The following MINAR1 variants were observed in gnomAD, a reference collection of about 807,000 sequenced individuals.
MINAR1 encodes the protein membrane integral NOTCH2 associated receptor 1.
Under a neutral mutation model 65.1 loss-of-function variants are expected in MINAR1, and 40 were observed. The observed-to-expected ratio is 0.61, with a 90% confidence interval of 0.48 to 0.80. MINAR1 has a LOEUF of 0.80. MINAR1 is among the 30% of genes least tolerant of loss of function. MINAR1 has a pLI of 0.00. For missense variants in MINAR1, 1,128 were observed against 1,148.0 expected (o/e 0.98, Z 0.25); for synonymous variants, 482 against 449.1 (o/e 1.07, Z -0.93).
upstream of MINAR1, among the ~76,000 whole-genome samples, chr15:79,431,186 T>G (rs1044473233): frequency 3.1e-5 from 4 of 128,608 alleles, no homozygotes; most frequent in South Asian, 2.8e-4. Flanking sequence ...GGGAAGGAGG[T>G]GGGGTGGTGG....
the MINAR1 span, chr15:79,413,884 A>C: frequency 6.6e-6 from 1 of 152,184 alleles, no homozygotes; most frequent in East Asian, 1.9e-4. Flanking sequence ...ATATTTGAAC[A>C]TATCACTGTG....
intron 1 of MINAR1, among the ~76,000 whole-genome samples, chr15:79,439,977 C>T (rs997096706): frequency 7.9e-5 from 12 of 152,138 alleles, no homozygotes; most frequent in African/African-American, 2.9e-4. Flanking sequence ...AGGAATGGAA[C>T]TCCTGTTCTT....
At chr15:79,430,780 G>C (rs1324559194), upstream of MINAR1, among the ~76,000 whole-genome samples, 1 of 152,220 alleles carries the variant, frequency 6.6e-6, no homozygotes, top group East Asian at 1.9e-4. Context: ...AACTTGGGCA[G>C]AGAGGAGCTC....
chr15:79,457,731 G>A lies in MINAR1; in HGVS notation c.1584G>A (p.Met528Ile), dbSNP rs1895485530. Residue 528 changes from methionine to isoleucine, a missense_variant, in exon 2 of 4, where the codon ATG (methionine) becomes ATA (isoleucine). Transcript: ENST00000305428. ...ACATTTTCCGATTTCTTGATGACAT[G>A]AGCATCAGTGGCTCCACGGGAGTGA... Reference protein sequence around the residue: ...ISDIFRFLDDMSISGSTGVIQ... With the variant: ...ISDIFRFLDDISISGSTGVIQ... 7 of 1,614,100 alleles carry A rather than the reference G, an allele frequency of 4.3e-6. No individual in the cohort carries two copies. The highest frequency in any genetic ancestry group is 5.9e-6 in the Non-Finnish European group (7 of 1,180,052).
chr15:79,446,869 G>T (rs1238414859), intron 1 of MINAR1, among the ~76,000 whole-genome samples: 1 of 151,848 alleles, frequency 6.6e-6, no homozygotes, highest in Non-Finnish European at 1.5e-5. Flanking sequence ...TGATTTAATG[G>T]TTTTTGTTGT....
intron 1 of MINAR1, among the ~76,000 whole-genome samples, chr15:79,437,680 T>G (rs1246988676): frequency 4.1e-5 from 2 of 49,162 alleles, no homozygotes; most frequent in African/African-American, 6.7e-5. Flanking sequence ...GGGGTGTGGG[T>G]GGCGTGGGTA....
chr15:79,427,481 A>G (rs1273574972), upstream of MINAR1: 1 of 152,232 alleles, frequency 6.6e-6, no homozygotes, highest in East Asian at 1.9e-4. Context: ...GCAATCTGCT[A>G]CTATCAATCT....
rs766461413 is a variant in MINAR1 at position 79,457,016 on chromosome 15, G to A, written c.869G>A (p.Ser290Asn). 14 of 1,613,928 alleles carry A rather than the reference G, an allele frequency of 8.7e-6. No individual in the cohort carries two copies. The Admixed American group carries it at 2.3e-4, about 27-fold the overall frequency. ...KAENEHREPQ[S>N]RKEPHKPPFF... ...GAGAATGAGCACAGGGAACCCCAGAGTCGAAAGGAACCCCACAAGCCACCC... is the reference window on the plus strand; with the variant it reads ...GAGAATGAGCACAGGGAACCCCAGAATCGAAAGGAACCCCACAAGCCACCC... Residue 290 changes from serine (S) to asparagine (N), a missense_variant, in exon 2 of 4, where the codon AGT becomes AAT. By Grantham distance (46) the Ser-to-Asn change is conservative. Transcript: ENST00000305428.
At chr15:79,430,888 T>A (rs1041039456), upstream of MINAR1, among the ~76,000 whole-genome samples, 1 of 152,234 alleles carries the variant, frequency 6.6e-6, no homozygotes, top group Non-Finnish European at 1.5e-5. Flanking sequence ...GTTTTGTTTT[T>A]AAAAAACTTT....
At chr15:79,450,367 A>G (rs1895151253) in intron 1 of MINAR1, among the ~76,000 whole-genome samples, 1 of 152,102 alleles carries the variant, frequency 6.6e-6, no homozygotes, top group African/African-American at 2.4e-5. Context: ...CAGAATCTTC[A>G]AGGACACATA....
At chr15:79,432,137 A>AGACC (rs1310006465), upstream of MINAR1, among the ~76,000 whole-genome samples, 3 of 152,038 alleles carry the variant, frequency 2.0e-5, no homozygotes, top group African/African-American at 7.2e-5. Context: ...CGAGACACAA[A>AGACC]GACCGAGGCT....
At chr15:79,455,189 A>C (rs1224378518) in intron 1 of MINAR1, among the ~76,000 whole-genome samples, 1 of 152,190 alleles carries the variant, frequency 6.6e-6, no homozygotes, top group African/African-American at 2.4e-5. Context: ...TAGGGAAGAG[A>C]GATTACTAAT....
At chr15:79,454,474 A>C (rs975587927) in intron 1 of MINAR1, among the ~76,000 whole-genome samples, 2 of 152,236 alleles carry the variant, frequency 1.3e-5, no homozygotes, top group Admixed American at 1.3e-4. Flanking sequence ...TAATTTTCTA[A>C]GCAGTATGCG....
the MINAR1 span, chr15:79,420,802 G>C: frequency 6.6e-6 from 1 of 152,256 alleles, no homozygotes; most frequent in Non-Finnish European, 1.5e-5. Context: ...TTTTGGGGTG[G>C]AAATGGTGGA....
intron 1 of MINAR1, among the ~76,000 whole-genome samples, chr15:79,435,468 T>C (rs1003362288): frequency 9.9e-5 from 15 of 152,222 alleles, no homozygotes; most frequent in African/African-American, 3.1e-4. Flanking sequence ...AATGAAATGT[T>C]GTGGTCACCT....
intron 1 of MINAR1, among the ~76,000 whole-genome samples, chr15:79,443,729 C>T (rs1443897685): frequency 6.6e-6 from 1 of 151,954 alleles, no homozygotes; most frequent in East Asian, 1.9e-4. Flanking sequence ...TCATTTATTC[C>T]CCCACATTAT....
rs1195227831 is a variant in MINAR1 at position 79,457,012 on chromosome 15, C to T, written c.865C>T (p.Gln289Ter). The T allele has an allele frequency of 1.1e-5, 17 of 1,613,944 alleles. No homozygotes were observed. The Admixed American group carries it at 2.5e-4, about 24-fold the overall frequency. ...AGCAGAGAATGAGCACAGGGAACCCCAGAGTCGAAAGGAACCCCACAAGCC... is the reference window on the plus strand; with the variant it reads ...AGCAGAGAATGAGCACAGGGAACCCTAGAGTCGAAAGGAACCCCACAAGCC... ...SKAENEHREP[Q>*]SRKEPHKPPF... The change falls in exon 2 of 4, where the codon CAG becomes TAG. Residue 289 changes from glutamine (Q) to a stop codon, truncating the protein, a stop_gained. Transcript: ENST00000305428. LOFTEE classifies it high-confidence loss of function.
intron 1 of MINAR1, among the ~76,000 whole-genome samples, chr15:79,449,416 T>C (rs1895121206): frequency 6.6e-6 from 1 of 152,194 alleles, no homozygotes; most frequent in Non-Finnish European, 1.5e-5. Flanking sequence ...GGAACAGAAA[T>C]TTACTTCTCA....
Position 79,469,483 on chromosome 15 carries a change from T to C in MINAR1, c.*1099T>C, listed in dbSNP as rs561537433. 16 of 152,640 alleles carry C rather than the reference T, an allele frequency of 1.0e-4. No homozygotes were observed. Among genetic ancestry groups the C allele is most frequent in the African/African-American group, 3.9e-4 (16 of 41,538 alleles). The allele number at this position is 152,640 out of a possible 1,614,324, so 9.5% of individuals were successfully genotyped here. A position where few individuals can be genotyped will look rare whatever the true frequency, so the allele number is the denominator to read the frequency against. On this transcript the variant is annotated 3_prime_UTR_variant, in exon 4 of 4. Transcript: ENST00000305428. Reference sequence around the variant, plus strand: ...GTTACCCCAACACCTACTCCAGAGTTTTGAATACTTGTCAGCAGTGCAAAA... The same window carrying C: ...GTTACCCCAACACCTACTCCAGAGTCTTGAATACTTGTCAGCAGTGCAAAA...
Sources: allele counts gnomAD v4.1 joint callset (sites outside exome capture counted in the v4.1 genomes callset), GRCh38; gene constraint gnomAD v4.1.1; transcripts MANE v1.5; gene names NCBI Gene and HGNC (gene_info 2026-07-23, HGNC 2026-07-21).